The following GATAD2A variants were observed in gnomAD, a reference collection of about 807,000 sequenced individuals.
GATAD2A encodes GATA zinc finger domain containing 2A, also known as transcriptional repressor p66-alpha.
Under a neutral mutation model 68.5 loss-of-function variants are expected in GATAD2A, and 12 were observed. That is an observed-to-expected ratio of 0.18 (90% CI 0.11 to 0.28). The LOEUF (loss-of-function observed/expected upper bound fraction) is 0.28. Ranked by LOEUF, GATAD2A falls within the 10% of genes least tolerant of loss-of-function variation. The probability of loss-of-function intolerance (pLI) is 1.00; values close to 1 mark genes in which losing one functional copy is unlikely to be tolerated. For synonymous variants in GATAD2A, 410 were observed against 375.3 expected, an observed-to-expected ratio of 1.09 and a Z score of -1.07; for missense variants, 755 against 868.5, an observed-to-expected ratio of 0.87 and a Z score of 1.64.
At chr19:19,491,339 C>T (rs569136256) in intron 2 of GATAD2A, among the ~76,000 whole-genome samples, 3 of 152,168 alleles carry the variant, frequency 2.0e-5, no homozygotes, top group Admixed American at 6.5e-5. Context: ...AGTGAGATGC[C>T]GTGGGCCGAC....
At chr19:19,419,808 G>T (rs556509822) in intron 1 of GATAD2A, among the ~76,000 whole-genome samples, 1 of 152,006 alleles carries the variant, frequency 6.6e-6, no homozygotes, top group South Asian at 2.1e-4. Flanking sequence ...TCACCGCCCT[G>T]GATGATGCCT....
rs905989460 is a variant in GATAD2A, at chr19:19,507,264, A to AG, written c.*1790_*1791insG. 6.6e-6 allele frequency: 1 copy of AG among 151,700 alleles called. No homozygotes were observed. The highest frequency in any genetic ancestry group is 2.4e-5 in the African/African-American group (1 of 41,282). 9.4% of individuals were successfully genotyped at this position (151,700 alleles called of 1,614,324 possible). ...TGTTTTTTACACCAAAAAAAAAAAA[A>AG]AAAATCAAGAGTATGCAAGCATTTC... is the stretch of plus-strand genomic sequence containing the variant. On this transcript the variant is annotated 3_prime_UTR_variant, in exon 12 of 12. Coordinates refer to ENST00000683918, the MANE Select transcript of GATAD2A (RefSeq NM_001384528.1).
chr19:19,501,908 C>T lies in GATAD2A; in HGVS notation c.1504-61C>T, dbSNP rs146029649. 105 of 1,338,506 alleles carry T rather than the reference C, an allele frequency of 7.8e-5. 1 individual carries two copies. Among genetic ancestry groups the T allele is most frequent in the Admixed American group, 1.5e-4 (9 of 59,148 alleles). 82.9% of individuals were successfully genotyped at this position (1,338,506 alleles called of 1,614,324 possible). On this transcript the variant is annotated intron_variant, in intron 9 of 11. Coordinates refer to ENST00000683918, the MANE Select transcript of GATAD2A (RefSeq NM_001384528.1). ...GGGCCTGTCCTGTGGGGCTCACCCT[C>T]GGTCACCCTGGGCCGGCCAGCGGAC...
At chr19:19,459,096 G>A (rs2057195543) in intron 1 of GATAD2A, among the ~76,000 whole-genome samples, 1 of 152,172 alleles carries the variant, frequency 6.6e-6, no homozygotes, top group African/African-American at 2.4e-5. Flanking sequence ...ATGTGCCACT[G>A]TGCCTGGCTT....
At chr19:19,460,022 C>G (rs1274715152) in intron 1 of GATAD2A, among the ~76,000 whole-genome samples, 2 of 152,220 alleles carry the variant, frequency 1.3e-5, no homozygotes, top group Non-Finnish European at 1.5e-5. Context: ...CAGTTCTGAG[C>G]AGATGGAGGT....
Position 19,494,366 on chromosome 19 carries a change from G to A in GATAD2A, c.607G>A (p.Gly203Ser), listed in dbSNP as rs761641047. 5.5e-5 allele frequency: 88 copies of A among 1,609,250 alleles called. No individual in the cohort carries two copies. The highest frequency in any genetic ancestry group is 7.0e-5 in the Non-Finnish European group (82 of 1,175,798). The change falls in exon 5 of 12, where the codon GGC (glycine) becomes AGC (serine). Residue 203 changes from glycine (G) to serine (S), a missense_variant. By Grantham distance (56) the Gly-to-Ser change is moderately conservative. Transcript: ENST00000683918. ...LVRGTQNIPAGKPSLQTSSAR... is the reference protein window; with the variant it reads ...LVRGTQNIPASKPSLQTSSAR... Reference sequence around the variant, plus strand: ...TCGGGGCACTCAGAACATTCCTGCTGGCAAGCCATCACTCCAGGTCAGTGT... The same window carrying A: ...TCGGGGCACTCAGAACATTCCTGCTAGCAAGCCATCACTCCAGGTCAGTGT...
At chr19:19,429,017 GTT>G (rs35115269) in intron 1 of GATAD2A, among the ~76,000 whole-genome samples, 150 of 130,002 alleles carry the variant, frequency 1.2e-3, no homozygotes, top group African/African-American at 1.3e-3. Context: ...GCATTTGTAT[GTT>G]TTTTTTTTTT....
intron 1 of GATAD2A, among the ~76,000 whole-genome samples, chr19:19,408,401 T>A (rs552026817): frequency 6.6e-6 from 1 of 152,332 alleles, no homozygotes; most frequent in South Asian, 2.1e-4. Context: ...GAGGGAAAAA[T>A]ATAATGCTAC....
rs371246691 is a variant in GATAD2A at position 19,414,009 on chromosome 19, G to T, written c.-7+7990G>T. 3.3e-5 allele frequency among the ~76,000 whole-genome samples: 5 copies of T among 152,068 alleles called. 1 individual carries two copies. The highest frequency in any genetic ancestry group is 1.2e-4 in the African/African-American group (5 of 41,490). ...CAAGTTTTTAGTGTTGAGTCTTTTTGTTGTTGTCTCTTTTCTGACTGTACA... is the reference window on the plus strand; with the variant it reads ...CAAGTTTTTAGTGTTGAGTCTTTTTTTTGTTGTCTCTTTTCTGACTGTACA... On this transcript the variant is annotated intron_variant, in intron 1 of 11. Coordinates refer to ENST00000683918, the MANE Select transcript of GATAD2A (RefSeq NM_001384528.1).
intron 1 of GATAD2A, among the ~76,000 whole-genome samples, chr19:19,415,775 G>A (rs2051547913): frequency 6.6e-6 from 1 of 151,764 alleles, no homozygotes; most frequent in Non-Finnish European, 1.5e-5. Flanking sequence ...ATGCCACCAC[G>A]CCTAGCTAAT....
chr19:19,399,736 G>A (rs1000231894), intron 1 of GATAD2A, among the ~76,000 whole-genome samples: 2 of 152,016 alleles, frequency 1.3e-5, no homozygotes, highest in African/African-American at 2.4e-5. Context: ...AATAAATTAC[G>A]GGCATTTCAC....
At chr19:19,421,254 C>G (rs1188254684) in intron 1 of GATAD2A, among the ~76,000 whole-genome samples, 4 of 152,082 alleles carry the variant, frequency 2.6e-5, no homozygotes, top group Non-Finnish European at 5.9e-5. Context: ...GAGGGAGGGC[C>G]AGGGAGGTGA....
chr19:19,441,038 C>T (rs950483403), intron 1 of GATAD2A, among the ~76,000 whole-genome samples: 1 of 147,162 alleles, frequency 6.8e-6, no homozygotes, highest in African/African-American at 2.5e-5. Flanking sequence ...TCCCTTCCTT[C>T]TTTCCTTCCC....
intron 1 of GATAD2A, among the ~76,000 whole-genome samples, chr19:19,420,799 C>T (rs1010034191): frequency 6.6e-6 from 1 of 152,018 alleles, no homozygotes; most frequent in Admixed American, 6.5e-5. Flanking sequence ...GACAGTCCCT[C>T]GTATGAGTGT....
At chr19:19,408,582 A>C (rs1035938253) in intron 1 of GATAD2A, among the ~76,000 whole-genome samples, 17 of 151,748 alleles carry the variant, frequency 1.1e-4, no homozygotes, top group Admixed American at 3.9e-4. Context: ...CTAATTTTCA[A>C]CTCTTCAGTA....
chr19:19,505,278 G>T, intron 11 of GATAD2A, 66 bp from the exon 12 acceptor site: 3 of 1,539,330 alleles, frequency 1.9e-6, no homozygotes, highest in Non-Finnish European at 2.7e-6. Context: ...GGCAGCTATG[G>T]CTGGGCTCCT....
At chr19:19,416,361 G>A (rs1022911972) in intron 1 of GATAD2A, among the ~76,000 whole-genome samples, 2 of 152,084 alleles carry the variant, frequency 1.3e-5, no homozygotes, top group African/African-American at 4.8e-5. Flanking sequence ...ATGATTTGGG[G>A]TGGGGGTGGT....
chr19:19,422,007 A>G (rs2052480795), intron 1 of GATAD2A, among the ~76,000 whole-genome samples: 1 of 151,992 alleles, frequency 6.6e-6, no homozygotes, highest in Admixed American at 6.6e-5. Context: ...TTTTTGGTAA[A>G]GACTAGGGTT....
intron 1 of GATAD2A, among the ~76,000 whole-genome samples, chr19:19,422,361 C>T (rs969848927): frequency 1.3e-5 from 2 of 152,164 alleles, no homozygotes; most frequent in Non-Finnish European, 2.9e-5. Flanking sequence ...CCCACCAGCA[C>T]AGTTTTTCTC....
Sources: allele counts gnomAD v4.1 joint callset (sites outside exome capture counted in the v4.1 genomes callset), GRCh38; gene constraint gnomAD v4.1.1; transcripts MANE v1.5; gene names NCBI Gene and HGNC (gene_info 2026-07-23, HGNC 2026-07-21).